Variants in GK observed in about 807,000 individuals in gnomAD.
GK encodes the protein glycerol kinase, also known as ATP:glycerol 3-phosphotransferase.
A neutral mutation model predicts 56.4 loss-of-function variants in GK; 9 were observed. The ratio of observed to expected loss-of-function variants is 0.16; its 90% CI spans 0.10 to 0.28. The LOEUF (loss-of-function observed/expected upper bound fraction) is 0.28. Ranked by LOEUF, GK falls within the 10% of genes least tolerant of loss-of-function variation. The pLI, the probability that GK is intolerant of heterozygous loss-of-function variation, is 1.00. For synonymous variants in GK, 104 were observed against 144.1 expected, an observed-to-expected ratio of 0.72 and a Z score of 1.99; for missense variants, 161 against 431.4, an observed-to-expected ratio of 0.37 and a Z score of 5.55.
intron 9 of GK, among the ~76,000 whole-genome samples, chrX:30,699,386 G>C (rs1336019885): frequency 2.7e-5 from 2 of 74,187 alleles, no homozygotes; most frequent in Non-Finnish European, 5.0e-5. Flanking sequence ...TTTTTTTTGA[G>C]ACGGAGGCTC....
rs767100670 is a variant in GK, at chrX:30,715,769, A to C, written c.976-2769A>C. On this transcript the variant is annotated intron_variant, in intron 13 of 20. Coordinates refer to ENST00000427190, the MANE Select transcript of GK (RefSeq NM_001205019.2). ...CTCATTTTTATTTCTTTAAAAGCTAAATCATACCATGTATTATATCCTGAC... is the reference window on the plus strand; with the variant it reads ...CTCATTTTTATTTCTTTAAAAGCTACATCATACCATGTATTATATCCTGAC... 8.9e-5 allele frequency among the ~76,000 whole-genome samples: 10 copies of C among 112,241 alleles called. No homozygotes were observed. In the East Asian group the frequency reaches 2.5e-3, roughly 28 times the overall value.
chrX:30,662,801 T>C (rs1841705123), intron 1 of GK, among the ~76,000 whole-genome samples: 1 of 88,202 alleles, frequency 1.1e-5, no homozygotes, highest in African/African-American at 4.4e-5. Context: ...CTTTCCTTCC[T>C]TCCTTCCTTC....
Position 30,720,000 on chromosome X carries a change from C to T in GK, c.1152-11C>T, listed in dbSNP as rs372106866. On this transcript the variant is annotated splice_polypyrimidine_tract_variant and intron_variant, in intron 15 of 20. Transcript: ENST00000427190. ...TCATTCTAATCTGAAAATCTTTGTGCGTATTTTTAGGATAATCTGTGGACT... is the reference window on the plus strand; with the variant it reads ...TCATTCTAATCTGAAAATCTTTGTGTGTATTTTTAGGATAATCTGTGGACT... The T allele has an allele frequency of 7.7e-5, 84 of 1,092,947 alleles. No individual in the cohort carries two copies. In the African/African-American group the frequency reaches 9.6e-4, roughly 13 times the overall value. The allele number at this position is 1,092,947 out of a possible 1,213,427, so 90.1% of individuals were successfully genotyped here. A position where few individuals can be genotyped will look rare whatever the true frequency, so the allele number is the denominator to read the frequency against.
chrX:30,714,796 A>C (rs1936527294), intron 13 of GK, among the ~76,000 whole-genome samples: 1 of 112,279 alleles, frequency 8.9e-6, no homozygotes, highest in Non-Finnish European at 1.9e-5. Context: ...ACAAGCATAT[A>C]AACATTGTTT....
At chrX:30,691,246 A>T in intron 5 of GK, 47 bp downstream of exon 5, 1 of 754,339 alleles carries the variant, frequency 1.3e-6, no homozygotes, top group Non-Finnish European at 2.1e-6. Flanking sequence ...TCTTTTTTTA[A>T]AAAAAGTTTG....
chrX:30,701,744 G>A (rs893019966), intron 11 of GK, among the ~76,000 whole-genome samples: 5 of 112,367 alleles, frequency 4.4e-5, no homozygotes, highest in Non-Finnish European at 7.5e-5. Flanking sequence ...AAGAATGATA[G>A]AAGTAGAGAT....
At position 30,654,165 on chromosome X, in the gene GK, T is replaced by C. The variant is rs932751427; in HGVS notation, c.78+550T>C. ...ATACTGGGGAGGGTGGCAGAACAAATTAGGAAACAGTCACACTACACTGGT... is the reference window on the plus strand; with the variant it reads ...ATACTGGGGAGGGTGGCAGAACAAACTAGGAAACAGTCACACTACACTGGT... On this transcript the variant is annotated intron_variant, in intron 1 of 20. Transcript: ENST00000427190. Among the ~76,000 whole-genome samples the C allele has an allele frequency of 5.3e-5, 6 of 112,230 alleles. 1 individual carries two copies. The South Asian group carries it at 1.8e-3, about 34-fold the overall frequency.
At position 30,730,043 on chromosome X, in the gene GK, G is replaced by A. The variant is rs1192247753; in HGVS notation, c.*1301G>A. 1.8e-5 allele frequency: 2 copies of A among 111,943 alleles called. No individual in the cohort carries two copies. The highest frequency in any genetic ancestry group is 6.5e-5 in the African/African-American group (2 of 30,795). 9.2% of individuals were successfully genotyped at this position (111,943 alleles called of 1,213,427 possible). Reference sequence around the variant, plus strand: ...AGTATCTCATTATAACTGAAAGAAGGTTTATCATTACAAATACCTTCCAAT... The same window carrying A: ...AGTATCTCATTATAACTGAAAGAAGATTTATCATTACAAATACCTTCCAAT... On this transcript the variant is annotated 3_prime_UTR_variant, in exon 21 of 21. Coordinates refer to ENST00000427190, the MANE Select transcript of GK (RefSeq NM_001205019.2).
At chrX:30,700,026 T>C (rs1204307396) in intron 9 of GK, 2 of 132,339 alleles carry the variant, frequency 1.5e-5, no homozygotes, top group Non-Finnish European at 3.0e-5. Context: ...AGTCATTTCT[T>C]AATAATGGCA....
rs1435130018 is a variant in GK at position 30,728,716 on chromosome X, T to C, written c.1670-16T>C. On this transcript the variant is annotated splice_polypyrimidine_tract_variant and intron_variant, in intron 20 of 20. Transcript: ENST00000427190. ...CATGTATTATTGACATATATGGTTTTTGTTCCCCATTTCAGGTATTCCATA... is the reference window on the plus strand; with the variant it reads ...CATGTATTATTGACATATATGGTTTCTGTTCCCCATTTCAGGTATTCCATA... The C allele has an allele frequency of 2.7e-6, 3 of 1,122,617 alleles. No homozygotes were observed. The South Asian group carries it at 5.5e-5, about 20-fold the overall frequency. The allele number at this position is 1,122,617 out of a possible 1,213,427, so 92.5% of individuals were successfully genotyped here. A position where few individuals can be genotyped will look rare whatever the true frequency, so the allele number is the denominator to read the frequency against.
intron 3 of GK, among the ~76,000 whole-genome samples, chrX:30,668,412 A>G (rs1206870864): frequency 8.9e-6 from 1 of 112,333 alleles, no homozygotes; most frequent in Non-Finnish European, 1.9e-5. Flanking sequence ...GCTTTAGATT[A>G]GGTGGCCAGG....
chrX:30,684,789 G>A (rs967856260), intron 4 of GK, among the ~76,000 whole-genome samples: 5 of 108,958 alleles, frequency 4.6e-5, no homozygotes, highest in Non-Finnish European at 7.6e-5. Context: ...ATATTTCGTT[G>A]TCCCTGAAAC....
At chrX:30,658,358 C>G (rs1287089349) in intron 1 of GK, among the ~76,000 whole-genome samples, 2 of 111,012 alleles carry the variant, frequency 1.8e-5, no homozygotes, top group Non-Finnish European at 3.8e-5. Context: ...CTGTGTTACC[C>G]AAGCTGGAGT....
Position 30,720,930 on chromosome X carries a change from G to A in GK, c.1436G>A (p.Ser479Asn), listed in dbSNP as rs1569176578. The A allele has an allele frequency of 8.3e-7, 1 of 1,210,957 alleles. No individual in the cohort carries two copies. Among genetic ancestry groups the A allele is most frequent in the Non-Finnish European group, 1.1e-6 (1 of 894,614 alleles). The change falls in exon 18 of 21, where the codon AGT becomes AAT. Residue 479 changes from serine to asparagine, a missense_variant. Coordinates refer to ENST00000427190, the MANE Select transcript of GK (RefSeq NM_001205019.2). ...GCTGCAGAAGGAGTCGGCGTATGGA[G>A]TCTCGAACCCGAGGATTTGTCTGCC... The part of the protein sequence containing the change: ...AGAAEGVGVW[S>N]LEPEDLSAVT...
intron 13 of GK, among the ~76,000 whole-genome samples, chrX:30,718,140 T>C (rs1369884553): frequency 8.9e-6 from 1 of 112,120 alleles, no homozygotes; most frequent in Non-Finnish European, 1.9e-5. Flanking sequence ...CTGTTAGATA[T>C]GGGAAACAGA....
chrX:30,656,779 CAG>C (rs1418544307), intron 1 of GK, among the ~76,000 whole-genome samples: 1 of 112,731 alleles, frequency 8.9e-6, no homozygotes. Context: ...AAAGACTGTT[CAG>C]AGAGTGTTTT....
At chrX:30,686,313 C>G (rs775601060) in intron 4 of GK, among the ~76,000 whole-genome samples, 1 of 112,430 alleles carries the variant, frequency 8.9e-6, no homozygotes, top group African/African-American at 3.2e-5. Flanking sequence ...TAGTAAAATG[C>G]CATAACTAAA....
At chrX:30,704,568 G>A (rs1411372311) in intron 11 of GK, among the ~76,000 whole-genome samples, 1 of 106,720 alleles carries the variant, frequency 9.4e-6, no homozygotes, top group Non-Finnish European at 1.9e-5. Flanking sequence ...TTAGGTCTTC[G>A]TTTGGTGACT....
chrX:30,693,594 G>C (rs939943629), intron 5 of GK, among the ~76,000 whole-genome samples: 3 of 110,929 alleles, frequency 2.7e-5, no homozygotes, highest in Non-Finnish European at 3.8e-5. Context: ...TGTCATCCAG[G>C]CTGGAGTGCA....
Sources: allele counts gnomAD v4.1 joint callset (sites outside exome capture counted in the v4.1 genomes callset), GRCh38; gene constraint gnomAD v4.1.1; transcripts MANE v1.5; gene names NCBI Gene and HGNC (gene_info 2026-07-23, HGNC 2026-07-21).